ABCB10: variants seen among roughly 807,000 people sequenced by gnomAD.
ABCB10 encodes the protein ATP binding cassette subfamily B member 10.
ABCB10 carries 54 observed loss-of-function variants against 65.4 expected under a neutral mutation model. The observed-to-expected ratio is 0.83, with a 90% CI of 0.66 to 1.04. The LOEUF (loss-of-function observed/expected upper bound fraction) is 1.04, where lower values mean the gene tolerates loss of function less well. Ranked by LOEUF, ABCB10 falls within the 50% of genes least tolerant of loss-of-function variation. ABCB10 has a pLI of 0.00. For missense variants in ABCB10, 846 were observed against 976.6 expected (o/e 0.87, Z 1.78); for synonymous variants, 418 against 406.5 (o/e 1.03, Z -0.34).
At chr1:229,537,790 C>CAAAT (rs201983639) in intron 6 of ABCB10, among the ~76,000 whole-genome samples, 4 of 151,962 alleles carry the variant, frequency 2.6e-5, no homozygotes, top group East Asian at 1.9e-4. Context: ...ACTCCATCTC[C>CAAAT]AAATAAATAA....
intron 6 of ABCB10, among the ~76,000 whole-genome samples, chr1:229,536,454 C>A (rs775869062): frequency 6.6e-6 from 1 of 151,166 alleles, no homozygotes; most frequent in Non-Finnish European, 1.5e-5. Context: ...CTGCAGTGAG[C>A]TAGGATTGTG....
intron 8 of ABCB10, among the ~76,000 whole-genome samples, chr1:229,529,198 C>T (rs1662512957): frequency 1.5e-5 from 2 of 136,382 alleles, no homozygotes; most frequent in East Asian, 4.8e-4. Context: ...GAGGCTGAGG[C>T]AGGAGAATGG....
intron 1 of ABCB10, among the ~76,000 whole-genome samples, chr1:229,552,162 T>C (rs2102710333): frequency 1.3e-5 from 2 of 152,390 alleles, no homozygotes; most frequent in Middle Eastern, 3.4e-3. Context: ...TGTTTTATTG[T>C]CATTTGCTTC....
Position 229,527,323 on chromosome 1 carries a change from AGG to A in ABCB10, c.1646-17_1646-16del. ...ACTAATAGTTCCTTGTTGAGAGGAA[AGG>A]AAAGGAAAGAGTCACTGAGTGTGAT... On this transcript the variant is annotated splice_polypyrimidine_tract_variant and intron_variant, in intron 8 of 12. Coordinates refer to ENST00000344517, the MANE Select transcript of ABCB10 (RefSeq NM_012089.3). The A allele has an allele frequency of 1.4e-6, 2 of 1,454,892 alleles. No homozygotes were observed. The highest frequency in any genetic ancestry group is 5.1e-5 in the East Asian group (2 of 39,576). 90.1% of individuals were successfully genotyped at this position (1,454,892 alleles called of 1,614,324 possible).
intron 11 of ABCB10, among the ~76,000 whole-genome samples, chr1:229,520,384 C>T (rs1325595375): frequency 6.7e-5 from 10 of 150,256 alleles, no homozygotes; most frequent in Admixed American, 6.6e-4. Context: ...GCATGAGTAT[C>T]ACTTGCAACC....
chr1:229,529,295 CAAAAAAAAAAAA>C (rs59264291), intron 8 of ABCB10, among the ~76,000 whole-genome samples: 27 of 23,120 alleles, frequency 1.2e-3, no homozygotes, highest in African/African-American at 3.4e-3. Context: ...GACTCCGTCT[CAAAAAAAAAAAA>C]AAAAAAAAAA....
chr1:229,537,871 G>A (rs535292431), intron 6 of ABCB10, among the ~76,000 whole-genome samples: 2 of 152,348 alleles, frequency 1.3e-5, no homozygotes, highest in East Asian at 3.9e-4. Flanking sequence ...TGGTGGTTCA[G>A]TGGTAGAATT....
Position 229,518,298 on chromosome 1 carries a change from T to C in ABCB10, c.2098A>G (p.Met700Val). 1 of 1,614,202 alleles carries C rather than the reference T, an allele frequency of 6.2e-7. No homozygotes were observed. The highest frequency in any genetic ancestry group is 8.5e-7 in the Non-Finnish European group (1 of 1,180,036). ...TTTCCTTGGTCAAGAACAGCAACCA[T>C]ATTAGCATTCTTAATGGTGGACAGA... Reference protein sequence around the residue: ...HRLSTIKNANMVAVLDQGKIT... With the variant: ...HRLSTIKNANVVAVLDQGKIT... The change falls in exon 13 of 13, where the codon ATG (methionine) becomes GTG (valine). Residue 700 changes from methionine (M) to valine (V), a missense_variant. Coordinates refer to ENST00000344517, the MANE Select transcript of ABCB10 (RefSeq NM_012089.3).
chr1:229,521,760 G>T, intron 10 of ABCB10, 125 bp from the exon 11 acceptor site: 1 of 848,522 alleles, frequency 1.2e-6, no homozygotes, highest in Non-Finnish European at 1.8e-6. Context: ...GACACAGATA[G>T]ACCAGAAACC....
At chr1:229,542,993 T>C (rs1174318658) in intron 3 of ABCB10, among the ~76,000 whole-genome samples, 1 of 151,732 alleles carries the variant, frequency 6.6e-6, no homozygotes, top group Non-Finnish European at 1.5e-5. Flanking sequence ...TAGCTGGGTG[T>C]TGGGGCACGT....
Position 229,558,503 on chromosome 1 carries a change from C to T in ABCB10, c.150G>A (p.Arg50=). ...LSPFTGLRPA[R]LWGAGPALLW... is the part of the protein sequence containing the mutation. ...GCAGCGCGGGCCCCGCGCCCCATAG[C>T]CGCGCCGGCCTCAGGCCAGTGAACG... The change falls in exon 1 of 13, where the codon CGG becomes CGA. Residue 50 remains arginine, a synonymous_variant. Coordinates refer to ENST00000344517, the MANE Select transcript of ABCB10 (RefSeq NM_012089.3). The T allele has an allele frequency of 1.5e-6, 2 of 1,372,502 alleles. No individual in the cohort carries two copies. Among genetic ancestry groups the T allele is most frequent in the Non-Finnish European group, 1.9e-6 (2 of 1,058,514 alleles). The allele number at this position is 1,372,502 out of a possible 1,614,324, so 85.0% of individuals were successfully genotyped here. A position where few individuals can be genotyped will look rare whatever the true frequency, so the allele number is the denominator to read the frequency against.
Position 229,526,957 on chromosome 1 carries a change from T to C in ABCB10, c.1725+272A>G, listed in dbSNP as rs184398685. Among the ~76,000 whole-genome samples the C allele has an allele frequency of 5.6e-3, 853 of 152,172 alleles. 5 individuals carry two copies. Among genetic ancestry groups the C allele is most frequent in the Non-Finnish European group, 9.3e-3 (632 of 68,002 alleles). ...AAAAAAGAGTCAATAAAATCTTCTATCATTTCCTCCCCATCCTCTAGACTA... is the reference window on the plus strand; with the variant it reads ...AAAAAAGAGTCAATAAAATCTTCTACCATTTCCTCCCCATCCTCTAGACTA... On this transcript the variant is annotated intron_variant, in intron 9 of 12. Transcript: ENST00000344517.
In ABCB10 at chr1:229,521,613, C is replaced by A; in HGVS notation, c.1929G>T (p.Ala643=). 6.2e-7 allele frequency: 1 copy of A among 1,612,576 alleles called. No homozygotes were observed. The highest frequency in any genetic ancestry group is 1.1e-5 in the South Asian group (1 of 90,870). Residue 643 remains alanine, a synonymous_variant, in exon 11 of 13, where the codon GCG becomes GCT. Coordinates refer to ENST00000344517, the MANE Select transcript of ABCB10 (RefSeq NM_012089.3). ...LLSGGQKQRI[A]IARALLKNPK... Reference sequence around the variant, plus strand: ...TTACCTTTAGCAGAGCACGGGCAATCGCAATCCGCTGTTTCTGCCCACCTG... The same window carrying A: ...TTACCTTTAGCAGAGCACGGGCAATAGCAATCCGCTGTTTCTGCCCACCTG...
At chr1:229,525,609 G>C (rs1451537923) in intron 10 of ABCB10, among the ~76,000 whole-genome samples, 1 of 152,186 alleles carries the variant, frequency 6.6e-6, no homozygotes. Context: ...GCGAGGCCAA[G>C]GTGGGCGGAT....
intron 4 of ABCB10, among the ~76,000 whole-genome samples, chr1:229,541,815 C>T (rs1359552881): frequency 1.3e-5 from 2 of 151,682 alleles, no homozygotes; most frequent in African/African-American, 2.4e-5. Context: ...TGGCATGGGG[C>T]GATAGTCCCA....
chr1:229,544,289 C>T (rs759565355), intron 3 of ABCB10, among the ~76,000 whole-genome samples: 31 of 151,996 alleles, frequency 2.0e-4, no homozygotes, highest in Non-Finnish European at 2.9e-4. Context: ...TGGTGGCGCA[C>T]GCCTGTGGTT....
At chr1:229,523,578 GA>G (rs1662365372) in intron 10 of ABCB10, among the ~76,000 whole-genome samples, 1 of 152,152 alleles carries the variant, frequency 6.6e-6, no homozygotes, top group Admixed American at 6.5e-5. Context: ...TGAGTGCCCT[GA>G]GGTAGGTCCT....
At chr1:229,525,729 G>A (rs1045914935) in intron 10 of ABCB10, among the ~76,000 whole-genome samples, 6 of 152,158 alleles carry the variant, frequency 3.9e-5, no homozygotes, top group African/African-American at 1.4e-4. Flanking sequence ...CTACTCGGGA[G>A]GCTGAGGCAG....
chr1:229,544,285 C>G (rs1047230660), intron 3 of ABCB10, among the ~76,000 whole-genome samples: 1 of 151,910 alleles, frequency 6.6e-6, no homozygotes. Flanking sequence ...GGCATGGTGG[C>G]GCACGCCTGT....
Sources: gnomAD v4.1 joint callset for allele counts (sites outside exome capture counted in the v4.1 genomes callset) on GRCh38, gnomAD v4.1.1 for gene constraint, MANE v1.5 for transcripts, NCBI Gene and HGNC (gene_info 2026-07-23, HGNC 2026-07-21) for gene names.